Variants in TMEM131 observed in about 807,000 individuals in gnomAD.
TMEM131 encodes 2610524E03Rik.
A neutral mutation model predicts 211.6 loss-of-function variants in TMEM131; 66 were observed. The ratio of observed to expected loss-of-function variants is 0.31; its 90% CI spans 0.26 to 0.38. The LOEUF (loss-of-function observed/expected upper bound fraction) is 0.38. Ranked by LOEUF, TMEM131 falls within the 10% of genes least tolerant of loss-of-function variation. The pLI, the probability that TMEM131 is intolerant of heterozygous loss-of-function variation, is 1.00. For missense variants in TMEM131, 2,036 were observed against 2,299.3 expected (o/e 0.89, Z 2.34); for synonymous variants, 844 against 841.3 (o/e 1.00, Z -0.06).
intron 7 of TMEM131, 134 bp downstream of exon 7, chr2:97,841,677 AAAGT>A: frequency 1.0e-6 from 1 of 992,384 alleles, no homozygotes; most frequent in East Asian, 3.1e-5. Flanking sequence ...AGCTGTACTA[AAAGT>A]AATACCCCTC....
chr2:97,978,790 G>A (rs1032827024), intron 1 of TMEM131, among the ~76,000 whole-genome samples: 1 of 152,096 alleles, frequency 6.6e-6, no homozygotes, highest in African/African-American at 2.4e-5. Flanking sequence ...CCAAACTCTT[G>A]TTGATATTCT....
Position 97,970,973 on chromosome 2 carries a change from G to T in TMEM131, c.187+24503C>A, listed in dbSNP as rs992576514. On this transcript the variant is annotated intron_variant, in intron 1 of 40. Transcript: ENST00000186436. ...TTTAATGTAGCCTATGGTGGGGGGA[G>T]TATAAAGAATGATTAAAATTATTAT... Among the ~76,000 whole-genome samples, 8 of 152,266 alleles carry T rather than the reference G, an allele frequency of 5.3e-5. No individual in the cohort carries two copies. The East Asian group carries it at 1.5e-3, about 29-fold the overall frequency.
intron 15 of TMEM131, 53 bp from the exon 16 acceptor site, chr2:97,812,802 T>C (rs1681614474): frequency 1.5e-5 from 15 of 995,406 alleles, no homozygotes; most frequent in Non-Finnish European, 2.2e-5. Context: ...GATCTAACAA[T>C]ATTATGAAGA....
At chr2:97,770,246 C>T (rs1679400168) in intron 33 of TMEM131, among the ~76,000 whole-genome samples, 1 of 152,102 alleles carries the variant, frequency 6.6e-6, no homozygotes, top group African/African-American at 2.4e-5. Flanking sequence ...TTAAAAAAAC[C>T]AGTCTTTATT....
chr2:97,992,237 G>A (rs994486070), intron 1 of TMEM131, among the ~76,000 whole-genome samples: 1 of 152,186 alleles, frequency 6.6e-6, no homozygotes, highest in Non-Finnish European at 1.5e-5. Flanking sequence ...AACACTCCTA[G>A]TCAATTTGGC....
At chr2:97,761,450 A>G (rs1328004069) in intron 36 of TMEM131, 1 of 159,134 alleles carries the variant, frequency 6.3e-6, no homozygotes, top group East Asian at 1.8e-4. Flanking sequence ...ACACGGTGAG[A>G]GTGCCATCCG....
At position 97,775,860 on chromosome 2, in the gene TMEM131, C is replaced by G; in HGVS notation, c.4303G>C (p.Glu1435Gln). The change falls in exon 32 of 41, where the codon GAA becomes CAA. Residue 1435 changes from glutamate to glutamine, a missense_variant. Transcript: ENST00000186436. ...TTTETSNPDT[E>Q]PLLKEDTEKQ... is the part of the protein sequence containing the mutation. The stretch of plus-strand genomic sequence containing the variant: ...GCCCGTACCTCCTTGAGGAGCGGTT[C>G]TGTGTCAGGGTTGGAGGTCTCTGTG... The G allele has an allele frequency of 1.2e-6, 2 of 1,613,344 alleles. No individual in the cohort carries two copies. The highest frequency in any genetic ancestry group is 1.3e-5 in the African/African-American group (1 of 74,940).
At chr2:97,778,866 G>A (rs553479201) in intron 31 of TMEM131, among the ~76,000 whole-genome samples, 1 of 152,234 alleles carries the variant, frequency 6.6e-6, no homozygotes, top group South Asian at 2.1e-4. Context: ...TGCCCTTGGA[G>A]CTTTTTCTCT....
At chr2:97,938,577 TG>T (rs962237322) in intron 1 of TMEM131, among the ~76,000 whole-genome samples, 2 of 152,106 alleles carry the variant, frequency 1.3e-5, no homozygotes, top group Non-Finnish European at 2.9e-5. Flanking sequence ...ACAATAATAA[TG>T]GGAGACTTCA....
At chr2:97,836,437 C>G (rs564067211) in intron 8 of TMEM131, among the ~76,000 whole-genome samples, 81 of 152,282 alleles carry the variant, frequency 5.3e-4, no homozygotes, top group South Asian at 1.0e-3. Flanking sequence ...ACCACAATTG[C>G]CTTCTCCCTC....
intron 12 of TMEM131, among the ~76,000 whole-genome samples, chr2:97,817,273 C>T (rs1459271956): frequency 2.0e-5 from 3 of 152,154 alleles, no homozygotes; most frequent in Admixed American, 6.5e-5. Flanking sequence ...TCCGGCACAT[C>T]TGTGAAGGGT....
intron 1 of TMEM131, among the ~76,000 whole-genome samples, chr2:97,968,446 A>G (rs1679152109): frequency 6.6e-6 from 1 of 152,180 alleles, no homozygotes; most frequent in Non-Finnish European, 1.5e-5. Flanking sequence ...TTCAACTTTC[A>G]ACTGAATTGA....
At chr2:97,923,628 T>TTA (rs1491415827) in intron 2 of TMEM131, among the ~76,000 whole-genome samples, 605 of 30,216 alleles carry the variant, frequency 0.02, 8 homozygotes, top group African/African-American at 0.052. Flanking sequence ...TCTTTTTTTT[T>TTA]AAAAAAAAAA....
At chr2:97,931,586 T>C (rs1393220205) in intron 1 of TMEM131, among the ~76,000 whole-genome samples, 1 of 152,190 alleles carries the variant, frequency 6.6e-6, no homozygotes, top group Non-Finnish European at 1.5e-5. Context: ...AAATAACTAG[T>C]AGAAAAATTT....
chr2:97,968,544 G>A (rs1436309150), intron 1 of TMEM131, among the ~76,000 whole-genome samples: 4 of 152,112 alleles, frequency 2.6e-5, no homozygotes, highest in Non-Finnish European at 5.9e-5. Context: ...CTCGGAAAAT[G>A]AGTTCTCCCT....
At chr2:97,895,141 G>A (rs1249237492) in intron 3 of TMEM131, among the ~76,000 whole-genome samples, 1 of 152,144 alleles carries the variant, frequency 6.6e-6, no homozygotes, top group Non-Finnish European at 1.5e-5. Flanking sequence ...TGTGGTTTTT[G>A]TCGTTGGTTC....
chr2:97,905,576 G>A (rs1052124312), intron 3 of TMEM131, among the ~76,000 whole-genome samples: 1 of 152,088 alleles, frequency 6.6e-6, no homozygotes, highest in Non-Finnish European at 1.5e-5. Context: ...TTTTCTCCCT[G>A]TGCTTCAGTT....
At chr2:97,875,229 A>T (rs2104150207) in intron 4 of TMEM131, among the ~76,000 whole-genome samples, 1 of 152,314 alleles carries the variant, frequency 6.6e-6, no homozygotes, top group Admixed American at 6.5e-5. Context: ...GTTCTTAGAG[A>T]CCTACAAAGA....
intron 31 of TMEM131, among the ~76,000 whole-genome samples, chr2:97,787,208 C>CATA (rs1388875956): frequency 6.6e-6 from 1 of 152,202 alleles, no homozygotes; most frequent in Non-Finnish European, 1.5e-5. Context: ...TCGTCTTTAT[C>CATA]TTCACTACAT....
Sources: allele counts gnomAD v4.1 joint callset (sites outside exome capture counted in the v4.1 genomes callset), GRCh38; gene constraint gnomAD v4.1.1; transcripts MANE v1.5; gene names NCBI Gene and HGNC (gene_info 2026-07-23, HGNC 2026-07-21).